SLC45A2: variants seen among roughly 807,000 people sequenced by gnomAD.
The protein encoded by SLC45A2 is solute carrier family 45 member 2.
In SLC45A2, 36 loss-of-function variants were observed where a neutral mutation model predicts 45.5. The ratio of observed to expected loss-of-function variants is 0.79; its 90% confidence interval spans 0.61 to 1.04. The LOEUF (loss-of-function observed/expected upper bound fraction) is 1.04. Among genes scored for constraint, SLC45A2 ranks in the 50% least tolerant of loss-of-function variants. SLC45A2 has a pLI of 0.00. For missense variants in SLC45A2, 719 were observed against 671.0 expected (o/e 1.07, Z -0.79); for synonymous variants, 306 against 269.3 (o/e 1.14, Z -1.33).
intron 2 of SLC45A2, 127 bp downstream of exon 2, chr5:33,982,109 A>G: frequency 9.7e-7 from 1 of 1,028,378 alleles, no homozygotes; most frequent in Non-Finnish European, 1.5e-6. Flanking sequence ...TGCCCGCATG[A>G]CGGGAGCAGC....
At chr5:33,948,151 G>A (rs887458761) in intron 5 of SLC45A2, among the ~76,000 whole-genome samples, 2 of 152,190 alleles carry the variant, frequency 1.3e-5, no homozygotes, top group African/African-American at 4.8e-5. Context: ...TTAATGCCTA[G>A]CATGTAGAAA....
At position 33,954,362 on chromosome 5, in the gene SLC45A2, T is replaced by C. The variant is rs2111926839; in HGVS notation, c.1031A>G (p.Gln344Arg). 1.9e-6 allele frequency: 3 copies of C among 1,614,044 alleles called. No individual in the cohort carries two copies. The highest frequency in any genetic ancestry group is 1.7e-6 in the Non-Finnish European group (2 of 1,179,974). Reference sequence around the variant, plus strand: ...TGTGTGCACAGACACGTTCATTACCTGGCCCATGAAATCTGTGAAGAACAG... The same window carrying C: ...TGTGTGCACAGACACGTTCATTACCCGGCCCATGAAATCTGTGAAGAACAG... ...NMLFFTDFMG[Q>R]IVYRGDPYSA... Residue 344 changes from glutamine to arginine, a missense_variant and splice_region_variant, in exon 4 of 7, where the codon CAG becomes CGG. Transcript: ENST00000296589.
chr5:33,959,923 T>C (rs770441657), intron 3 of SLC45A2, among the ~76,000 whole-genome samples: 4 of 152,204 alleles, frequency 2.6e-5, no homozygotes, highest in Non-Finnish European at 4.4e-5. Context: ...ACAGCTAAGA[T>C]GTATTGCTTT....
chr5:33,971,419 G>C (rs561615932), intron 2 of SLC45A2: 9 of 447,310 alleles, frequency 2.0e-5, no homozygotes, highest in Non-Finnish European at 3.4e-5. Context: ...TTGCTGGCCA[G>C]CTGGACTGCA....
intron 2 of SLC45A2, among the ~76,000 whole-genome samples, chr5:33,964,509 G>A (rs749589322): frequency 6.6e-6 from 1 of 152,142 alleles, no homozygotes; most frequent in Non-Finnish European, 1.5e-5. Flanking sequence ...CTGGGATGAC[G>A]TAAGCTTGCA....
chr5:33,944,926 G>A, intron 6 of SLC45A2, 54 bp from the exon 7 acceptor site: 1 of 1,539,038 alleles, frequency 6.5e-7, no homozygotes, highest in Non-Finnish European at 8.8e-7. Context: ...GTCATTTAGG[G>A]CACAGGTCAG....
At chr5:33,964,665 T>C (rs1752553089) in intron 2 of SLC45A2, among the ~76,000 whole-genome samples, 1 of 152,174 alleles carries the variant, frequency 6.6e-6, no homozygotes, top group African/African-American at 2.4e-5. Flanking sequence ...TTCCCAGGAC[T>C]CCAACCTGAG....
At chr5:33,967,690 A>T (rs1389392361) in intron 2 of SLC45A2, among the ~76,000 whole-genome samples, 1 of 152,106 alleles carries the variant, frequency 6.6e-6, no homozygotes, top group African/African-American at 2.4e-5. Context: ...AAATTACTCC[A>T]AAAGTATTAC....
intron 6 of SLC45A2, chr5:33,946,147 T>G (rs1217845273): frequency 1.2e-5 from 12 of 985,354 alleles, no homozygotes; most frequent in African/African-American, 7.0e-5. Context: ...GTAGGTTTTC[T>G]TCCCCCAACA....
intron 3 of SLC45A2, among the ~76,000 whole-genome samples, chr5:33,956,774 A>G (rs1360984639): frequency 6.6e-6 from 1 of 152,150 alleles, no homozygotes; most frequent in Non-Finnish European, 1.5e-5. Flanking sequence ...TTCAGTTAAT[A>G]TTGTAAAAAA....
In SLC45A2 at chr5:33,982,219, T is replaced by G; in HGVS notation, c.562+17A>C. The G allele has an allele frequency of 1.9e-6, 3 of 1,613,788 alleles. No homozygotes were observed. The highest frequency in any genetic ancestry group is 2.5e-6 in the Non-Finnish European group (3 of 1,179,826). The stretch of plus-strand genomic sequence containing the variant: ...GTCTGGGGAGCTGAAGGAGAGACTT[T>G]CTGGAATATTCCCTACCTGTGAAGA... On this transcript the variant is annotated intron_variant, in intron 2 of 6. Coordinates refer to ENST00000296589, the MANE Select transcript of SLC45A2 (RefSeq NM_016180.5).
intron 2 of SLC45A2, among the ~76,000 whole-genome samples, chr5:33,974,600 T>A (rs1447752804): frequency 6.6e-6 from 1 of 152,226 alleles, no homozygotes; most frequent in African/African-American, 2.4e-5. Flanking sequence ...GCTGTAGTTA[T>A]CTCTTTGTCA....
intron 2 of SLC45A2, chr5:33,972,224 G>T: frequency 1.9e-6 from 1 of 524,900 alleles, no homozygotes; most frequent in South Asian, 1.4e-5. Flanking sequence ...AGCTGACAGA[G>T]AGATTCAGAG....
chr5:33,970,475 A>C (rs1039862595), intron 2 of SLC45A2, among the ~76,000 whole-genome samples: 5 of 152,158 alleles, frequency 3.3e-5, no homozygotes, highest in African/African-American at 1.2e-4. Context: ...CAAATAAACT[A>C]TCTGTATACA....
intron 3 of SLC45A2, among the ~76,000 whole-genome samples, chr5:33,955,752 A>G (rs1231716615): frequency 1.3e-5 from 2 of 152,210 alleles, no homozygotes; most frequent in South Asian, 2.1e-4. Context: ...TTGAAGCAAT[A>G]TAAACTCATA....
intron 2 of SLC45A2, among the ~76,000 whole-genome samples, chr5:33,977,698 G>A (rs1409080178): frequency 2.6e-5 from 4 of 152,220 alleles, no homozygotes; most frequent in Admixed American, 6.5e-5. Context: ...TGGTAGAGGA[G>A]TGAGGGATGC....
At chr5:33,968,392 T>C (rs552622205) in intron 2 of SLC45A2, among the ~76,000 whole-genome samples, 275 of 152,274 alleles carry the variant, frequency 1.8e-3, no homozygotes, top group African/African-American at 6.4e-3. Context: ...CACCAGGCTA[T>C]TGGGCAAGCC....
intron 2 of SLC45A2, among the ~76,000 whole-genome samples, chr5:33,965,897 C>T (rs1034165941): frequency 1.3e-5 from 2 of 152,184 alleles, no homozygotes; most frequent in Non-Finnish European, 2.9e-5. Flanking sequence ...AAAGTGGCCC[C>T]TAGTTTAGAA....
At chr5:33,947,770 C>T (rs141522927) in intron 5 of SLC45A2, among the ~76,000 whole-genome samples, 1 of 152,186 alleles carries the variant, frequency 6.6e-6, no homozygotes, top group Non-Finnish European at 1.5e-5. Flanking sequence ...AATAATAACA[C>T]AGGCCTATCT....
Sources: gnomAD v4.1 joint callset for allele counts (sites outside exome capture counted in the v4.1 genomes callset) on GRCh38, gnomAD v4.1.1 for gene constraint, MANE v1.5 for transcripts, NCBI Gene and HGNC (gene_info 2026-07-23, HGNC 2026-07-21) for gene names.